Variants in LGSN observed in about 807,000 individuals in gnomAD.
LGSN encodes lengsin.
A neutral mutation model predicts 19.5 loss-of-function variants in LGSN; 21 were observed. The observed-to-expected ratio is 1.07, with a 90% CI of 0.76 to 1.55. The LOEUF (loss-of-function observed/expected upper bound fraction) is 1.55, where lower values mean the gene tolerates loss of function less well. Among genes scored for constraint, LGSN ranks in the 40% most tolerant of loss-of-function variants. LGSN has a pLI of 0.00. For synonymous variants in LGSN, 257 were observed against 215.6 expected, an observed-to-expected ratio of 1.19 and a Z score of -1.68; for missense variants, 673 against 608.5, an observed-to-expected ratio of 1.11 and a Z score of -1.12.
chr6:63,486,820 TTTATTATTA>T, the LGSN span, among the ~76,000 whole-genome samples: 24 of 146,198 alleles, frequency 1.6e-4, 1 homozygote, highest in South Asian at 8.7e-4. Context: ...GTATGTTTAT[TTTATTATTA>T]TTATTATTAT....
the LGSN span, among the ~76,000 whole-genome samples, chr6:63,475,148 G>T: frequency 6.6e-6 from 1 of 151,978 alleles, no homozygotes; most frequent in South Asian, 2.1e-4. Context: ...GTTTTAGGAT[G>T]CAGAAATGCT....
the LGSN span, among the ~76,000 whole-genome samples, chr6:63,523,065 T>A: frequency 1.2e-3 from 185 of 151,872 alleles, no homozygotes; most frequent in Non-Finnish European, 2.2e-3. Context: ...GGGTTTCACC[T>A]TTTTTGGCCA....
chr6:63,454,559 G>A, the LGSN span, among the ~76,000 whole-genome samples: 2 of 136,900 alleles, frequency 1.5e-5, no homozygotes, highest in South Asian at 2.5e-4. Flanking sequence ...TGCAACCTCC[G>A]CCTCCCGGGT....
chr6:63,517,504 G>A, the LGSN span, among the ~76,000 whole-genome samples: 1 of 152,040 alleles, frequency 6.6e-6, no homozygotes, highest in Non-Finnish European at 1.5e-5. Flanking sequence ...CCATTTAAAT[G>A]GTGAAAGATC....
the LGSN span, among the ~76,000 whole-genome samples, chr6:63,393,241 C>A: frequency 6.6e-6 from 1 of 151,548 alleles, no homozygotes; most frequent in Non-Finnish European, 1.5e-5. Context: ...GATCTTGGCA[C>A]ACTGCAACCT....
chr6:63,442,144 G>GGTCCCTCCCAATGCGTTTGTTC, the LGSN span, among the ~76,000 whole-genome samples: 11 of 151,706 alleles, frequency 7.3e-5, no homozygotes, highest in African/African-American at 2.7e-4. Context: ...CGGAGTTGTT[G>GGTCCCTCCCAATGCGTTTGTTC]GTCCCTCCCA....
At chr6:63,350,411 T>G in the LGSN span, among the ~76,000 whole-genome samples, 1 of 152,270 alleles carries the variant, frequency 6.6e-6, no homozygotes, top group African/African-American at 2.4e-5. Flanking sequence ...GATCTAGTCA[T>G]AGTTATTTGT....
chr6:63,394,077 G>C, the LGSN span, among the ~76,000 whole-genome samples: 3 of 152,176 alleles, frequency 2.0e-5, no homozygotes, highest in Non-Finnish European at 4.4e-5. Context: ...AGACCAGCCT[G>C]GCCAACATGG....
At chr6:63,545,174 C>A in the LGSN span, among the ~76,000 whole-genome samples, 14 of 152,164 alleles carry the variant, frequency 9.2e-5, no homozygotes, top group Non-Finnish European at 1.6e-4. Flanking sequence ...CTGTTTCTAT[C>A]TTTTCTTATT....
chr6:63,342,762 T>A, the LGSN span, among the ~76,000 whole-genome samples: 1 of 152,250 alleles, frequency 6.6e-6, no homozygotes, highest in African/African-American at 2.4e-5. Context: ...TTTACATCGA[T>A]CAGAACCATG....
chr6:63,295,016 A>G lies in LGSN; in HGVS notation c.60T>C (p.Thr20=). The part of the protein sequence containing the change: ...EDSTRDEGNE[T]EANSMNTLRR... ...TTAATGTGTTCATGCTGTTGGCTTC[A>G]GTCTCATTGCCTTCATCTCTTGTTG... The change falls in exon 2 of 4, where the codon ACT becomes ACC. Residue 20 remains threonine (T), a synonymous_variant. Coordinates refer to ENST00000370657, the MANE Select transcript of LGSN (RefSeq NM_016571.3). 6.2e-7 allele frequency: 1 copy of G among 1,613,672 alleles called. No homozygotes were observed.
Position 63,277,094 on chromosome 6 carries a change from G to T in LGSN, c.*2927C>A, listed in dbSNP as rs1459895987. 1 of 152,120 alleles carries T rather than the reference G, an allele frequency of 6.6e-6. No individual in the cohort carries two copies. Among genetic ancestry groups the T allele is most frequent in the Non-Finnish European group, 1.5e-5 (1 of 68,020 alleles). 9.4% of individuals were successfully genotyped at this position (152,120 alleles called of 1,614,324 possible). On this transcript the variant is annotated 3_prime_UTR_variant, in exon 4 of 4. Coordinates refer to ENST00000370657, the MANE Select transcript of LGSN (RefSeq NM_016571.3). ...GACTCACGACTGTACACTTAATACTGAAGATAATATTCCTAGTTATATAAT... is the reference window on the plus strand; with the variant it reads ...GACTCACGACTGTACACTTAATACTTAAGATAATATTCCTAGTTATATAAT...
At chr6:63,475,748 TCAA>T in the LGSN span, among the ~76,000 whole-genome samples, 1 of 152,142 alleles carries the variant, frequency 6.6e-6, no homozygotes, top group Non-Finnish European at 1.5e-5. Flanking sequence ...AAGCAGCACA[TCAA>T]CAACAACTGT....
rs746523591 is a variant in LGSN, at chr6:63,280,549, A to G, written c.1002T>C (p.Thr334=). ...TTTTCCCAGTGATCGTGAGCTGCTC[A>G]GTTCCAGAAGTGCTGCAGAACATGT... The part of the protein sequence containing the change: ...KKNMFCSTSG[T]EQLTITGKKW... The change falls in exon 4 of 4, where the codon ACT becomes ACC. Residue 334 remains threonine, a synonymous_variant. Coordinates refer to ENST00000370657, the MANE Select transcript of LGSN (RefSeq NM_016571.3). 6.2e-7 allele frequency: 1 copy of G among 1,614,136 alleles called. No homozygotes were observed. The highest frequency in any genetic ancestry group is 1.1e-5 in the South Asian group (1 of 91,080).
At chr6:63,390,314 G>T in the LGSN span, among the ~76,000 whole-genome samples, 12 of 151,064 alleles carry the variant, frequency 7.9e-5, no homozygotes, top group Admixed American at 2.6e-4. Flanking sequence ...ATCGTTAGTA[G>T]AGATGGGTTT....
chr6:63,338,492 G>A, the LGSN span, among the ~76,000 whole-genome samples: 1 of 152,072 alleles, frequency 6.6e-6, no homozygotes, highest in Non-Finnish European at 1.5e-5. Context: ...TTGGCATATG[G>A]TTTTTCATAA....
the LGSN span, among the ~76,000 whole-genome samples, chr6:63,474,370 A>G: frequency 1.3e-5 from 2 of 152,186 alleles, no homozygotes; most frequent in Non-Finnish European, 2.9e-5. Flanking sequence ...GCACATTGGG[A>G]GGCCAAGGTG....
At chr6:63,333,791 G>A in the LGSN span, among the ~76,000 whole-genome samples, 5 of 152,236 alleles carry the variant, frequency 3.3e-5, no homozygotes, top group Admixed American at 2.6e-4. Context: ...AATCAAGTGG[G>A]ACTTATACTG....
chr6:63,527,642 T>G, the LGSN span, among the ~76,000 whole-genome samples: 1 of 152,192 alleles, frequency 6.6e-6, no homozygotes, highest in African/African-American at 2.4e-5. Flanking sequence ...CCAAGAAAAC[T>G]GAGACTCTGA....
Sources: gnomAD v4.1 joint callset for allele counts (sites outside exome capture counted in the v4.1 genomes callset) on GRCh38, gnomAD v4.1.1 for gene constraint, MANE v1.5 for transcripts, NCBI Gene and HGNC (gene_info 2026-07-23, HGNC 2026-07-21) for gene names.